COL13A1: variants seen among roughly 807,000 people sequenced by gnomAD.
The protein encoded by COL13A1 is collagen type XIII alpha 1 chain, also known as collagen alpha-1(XIII) chain.
COL13A1 carries 89 observed loss-of-function variants against 130.9 expected under a neutral mutation model. The ratio of observed to expected loss-of-function variants is 0.68; its 90% CI spans 0.57 to 0.81. The LOEUF (loss-of-function observed/expected upper bound fraction) is 0.81. COL13A1 is among the 30% of genes least tolerant of loss of function. The probability of loss-of-function intolerance (pLI) is 0.00; values close to 1 mark genes in which losing one functional copy is unlikely to be tolerated. For synonymous variants in COL13A1, 402 were observed against 341.6 expected (o/e 1.18, Z -1.95); for missense variants, 879 against 934.6 (o/e 0.94, Z 0.78).
intron 10 of COL13A1, among the ~76,000 whole-genome samples, chr10:69,891,330 G>A (rs1260029718): frequency 6.6e-6 from 1 of 152,216 alleles, no homozygotes; most frequent in Non-Finnish European, 1.5e-5. Flanking sequence ...CCTGAAGAAT[G>A]AGCATTCAAC....
intron 2 of COL13A1, among the ~76,000 whole-genome samples, chr10:69,825,853 C>A (rs777704023): frequency 3.3e-5 from 5 of 152,212 alleles, no homozygotes; most frequent in Non-Finnish European, 5.9e-5. Flanking sequence ...CCCAAAATAG[C>A]CATCTACTGG....
chr10:69,843,653 T>C (rs753773558), intron 2 of COL13A1, among the ~76,000 whole-genome samples: 3 of 152,238 alleles, frequency 2.0e-5, no homozygotes, highest in Non-Finnish European at 4.4e-5. Flanking sequence ...GCTTGTTCTA[T>C]GGATCGTGGT....
At chr10:69,845,374 G>T (rs911004522) in intron 2 of COL13A1, among the ~76,000 whole-genome samples, 1 of 151,974 alleles carries the variant, frequency 6.6e-6, no homozygotes, top group Non-Finnish European at 1.5e-5. Flanking sequence ...TGTATTTTTA[G>T]TAGAGACAGG....
chr10:69,887,401 T>G, intron 7 of COL13A1, 55 bp from the exon 8 acceptor site: 2 of 1,577,618 alleles, frequency 1.3e-6, no homozygotes, highest in Non-Finnish European at 1.7e-6. Flanking sequence ...GCCTAGGGAT[T>G]GGCTCTGTCT....
intron 2 of COL13A1, among the ~76,000 whole-genome samples, chr10:69,828,023 G>T (rs902199378): frequency 5.9e-5 from 9 of 152,124 alleles, no homozygotes; most frequent in African/African-American, 2.2e-4. Context: ...AAGAGTTGAT[G>T]GTTATTTTAG....
intron 34 of COL13A1, among the ~76,000 whole-genome samples, chr10:69,938,126 C>T (rs1292205741): frequency 2.0e-5 from 3 of 152,170 alleles, no homozygotes; most frequent in African/African-American, 4.8e-5. Context: ...AACTCTTGCT[C>T]CCCCCTCTTA....
intron 3 of COL13A1, among the ~76,000 whole-genome samples, chr10:69,868,310 T>TGGC (rs150314487): frequency 1.1e-3 from 165 of 152,164 alleles, no homozygotes; most frequent in African/African-American, 3.1e-3. Flanking sequence ...GTGGTGGTGG[T>TGGC]GGCGGCGGCA....
rs149423440 is a variant in COL13A1 at position 69,862,643 on chromosome 10, A to G, written c.365-5155A>G. On this transcript the variant is annotated intron_variant, in intron 2 of 40. Transcript: ENST00000645393. ...TGTTTCCCTTCTTCACTGCTCTTTG[A>G]GGCAGAGGCTGTTCCTTTTATTTCT... Among the ~76,000 whole-genome samples, 943 of 152,242 alleles carry G rather than the reference A, an allele frequency of 6.2e-3. 11 individuals carry two copies. The highest frequency in any genetic ancestry group is 0.022 in the African/African-American group (904 of 41,532).
At chr10:69,884,802 T>C (rs2060462204) in intron 7 of COL13A1, among the ~76,000 whole-genome samples, 1 of 152,114 alleles carries the variant, frequency 6.6e-6, no homozygotes, top group South Asian at 2.1e-4. Flanking sequence ...GATATCAAAA[T>C]GTATTACAAA....
chr10:69,812,966 G>A (rs1843433484), intron 1 of COL13A1, among the ~76,000 whole-genome samples: 1 of 152,194 alleles, frequency 6.6e-6, no homozygotes, highest in Non-Finnish European at 1.5e-5. Flanking sequence ...GCCCCTTTTG[G>A]CCACAGCTCT....
At chr10:69,822,532 G>C (rs1846360532) in intron 2 of COL13A1, 94 bp downstream of exon 2, 2 of 913,378 alleles carry the variant, frequency 2.2e-6, no homozygotes, top group Admixed American at 3.9e-5. Context: ...ACCTCACTCA[G>C]GCCGTCACTT....
chr10:69,856,482 G>C (rs568560606), intron 2 of COL13A1, among the ~76,000 whole-genome samples: 10 of 152,188 alleles, frequency 6.6e-5, no homozygotes, highest in Non-Finnish European at 1.0e-4. Context: ...ATTAAGGACT[G>C]TGCCCATCAT....
intron 7 of COL13A1, among the ~76,000 whole-genome samples, chr10:69,882,137 G>A (rs2060202795): frequency 6.6e-6 from 1 of 152,226 alleles, no homozygotes; most frequent in Non-Finnish European, 1.5e-5. Context: ...ACAGAAGACA[G>A]GCTCCCAGGT....
At chr10:69,923,961 C>A (rs1486415668) in intron 24 of COL13A1, 106 bp downstream of exon 24, 16 of 1,430,350 alleles carry the variant, frequency 1.1e-5, no homozygotes, top group Non-Finnish European at 1.4e-5. Flanking sequence ...CAAGGCTGAC[C>A]GGCCATGACC....
intron 34 of COL13A1, 53 bp downstream of exon 34, chr10:69,937,768 G>C: frequency 1.3e-6 from 1 of 799,646 alleles, no homozygotes; most frequent in South Asian, 1.4e-5. Flanking sequence ...CAGGGGTGTG[G>C]GCTGGGACTG....
At chr10:69,849,765 C>G (rs1469495349) in intron 2 of COL13A1, among the ~76,000 whole-genome samples, 1 of 152,202 alleles carries the variant, frequency 6.6e-6, no homozygotes, top group East Asian at 1.9e-4. Context: ...TTTTTCTCAT[C>G]TGCAGAAGTC....
chr10:69,850,753 A>AT (rs1157921846), intron 2 of COL13A1, among the ~76,000 whole-genome samples: 1 of 62,726 alleles, frequency 1.6e-5, no homozygotes, highest in Admixed American at 1.7e-4. Flanking sequence ...AAGGCAACAG[A>AT]CCGGGCAAAG....
intron 39 of COL13A1, 48 bp from the exon 40 acceptor site, chr10:69,956,956 G>A: frequency 1.3e-6 from 2 of 1,550,278 alleles, no homozygotes; most frequent in Non-Finnish European, 1.8e-6. Flanking sequence ...CCCACTTGGT[G>A]GACCATTGCA....
intron 1 of COL13A1, among the ~76,000 whole-genome samples, chr10:69,806,757 A>G (rs1841689103): frequency 6.6e-6 from 1 of 152,268 alleles, no homozygotes; most frequent in South Asian, 2.1e-4. Flanking sequence ...CTGTAATCCC[A>G]GCACTTTGGG....
Sources: gnomAD v4.1 joint callset for allele counts (sites outside exome capture counted in the v4.1 genomes callset) on GRCh38, gnomAD v4.1.1 for gene constraint, MANE v1.5 for transcripts, NCBI Gene and HGNC (gene_info 2026-07-23, HGNC 2026-07-21) for gene names.